The following PHEX variants were observed in gnomAD, a reference collection of about 807,000 sequenced individuals.
PHEX encodes phosphate-regulating neutral endopeptidase PHEX.
In PHEX, 16 loss-of-function variants were observed where a neutral mutation model predicts 68.0. The ratio of observed to expected loss-of-function variants is 0.24; its 90% CI spans 0.16 to 0.36. The LOEUF (loss-of-function observed/expected upper bound fraction) is 0.36. Ranked by LOEUF, PHEX falls within the 10% of genes least tolerant of loss-of-function variation. The pLI, the probability that PHEX is intolerant of heterozygous loss-of-function variation, is 1.00. For missense variants in PHEX, 480 were observed against 575.5 expected (o/e 0.83, Z 1.70); for synonymous variants, 208 against 205.1 (o/e 1.01, Z -0.12).
intron 12 of PHEX, among the ~76,000 whole-genome samples, chrX:22,138,353 G>A (rs1367881690): frequency 8.9e-6 from 1 of 112,749 alleles, no homozygotes; most frequent in Non-Finnish European, 1.9e-5. Flanking sequence ...ACTCAGAGAT[G>A]AGCAGCCACA....
intron 18 of PHEX, among the ~76,000 whole-genome samples, chrX:22,226,001 T>G (rs1245981951): frequency 8.9e-6 from 1 of 112,062 alleles, no homozygotes; most frequent in Non-Finnish European, 1.9e-5. Flanking sequence ...AAAATGATGA[T>G]AGTTGGTCTT....
At chrX:22,204,270 A>G (rs1934642761) in intron 15 of PHEX, among the ~76,000 whole-genome samples, 1 of 111,343 alleles carries the variant, frequency 9.0e-6, no homozygotes, top group Admixed American at 9.5e-5. Flanking sequence ...CCAGTTTCCT[A>G]AACCATTCCT....
In PHEX at chrX:22,090,807, A is replaced by T. The variant is rs149411968; in HGVS notation, c.732+310A>T. ...TCAGAAGTGCAGAGAGCTCACTATC[A>T]ATTGCAGAAATAAAGCGTCAGAAGA... On this transcript the variant is annotated intron_variant, in intron 6 of 21. Coordinates refer to ENST00000379374, the MANE Select transcript of PHEX (RefSeq NM_000444.6). 2.2e-3 allele frequency among the ~76,000 whole-genome samples: 244 copies of T among 111,884 alleles called. 1 individual carries two copies. Among genetic ancestry groups the T allele is most frequent in the African/African-American group, 7.4e-3 (229 of 30,777 alleles).
At chrX:22,161,999 C>T (rs765832449) in intron 12 of PHEX, among the ~76,000 whole-genome samples, 2 of 111,201 alleles carry the variant, frequency 1.8e-5, no homozygotes, top group African/African-American at 3.3e-5. Flanking sequence ...ACACATAGGA[C>T]CTGCTAGGTG....
At chrX:22,043,468 T>C (rs768015385) in intron 2 of PHEX, among the ~76,000 whole-genome samples, 8 of 111,320 alleles carry the variant, frequency 7.2e-5, no homozygotes, top group Non-Finnish European at 1.3e-4. Flanking sequence ...TTATCCCCAT[T>C]TTCAGGTGAG....
chrX:22,222,159 G>A (rs1458586949), intron 18 of PHEX, among the ~76,000 whole-genome samples: 2 of 111,841 alleles, frequency 1.8e-5, no homozygotes, highest in African/African-American at 6.5e-5. Flanking sequence ...ACCAGAGTCT[G>A]TATCCTTGAA....
At chrX:22,094,356 C>T (rs771499864) in intron 7 of PHEX, among the ~76,000 whole-genome samples, 2 of 112,309 alleles carry the variant, frequency 1.8e-5, no homozygotes, top group Non-Finnish European at 3.8e-5. Flanking sequence ...AGTGTCCATA[C>T]GTTGCTCAGC....
chrX:22,040,975 G>T (rs751006718), intron 2 of PHEX, among the ~76,000 whole-genome samples: 1 of 108,980 alleles, frequency 9.2e-6, no homozygotes, highest in Non-Finnish European at 1.9e-5. Context: ...GGTGACAGAC[G>T]ATGCTGTCTT....
intron 12 of PHEX, among the ~76,000 whole-genome samples, chrX:22,159,339 A>G (rs771331981): frequency 1.8e-5 from 2 of 113,156 alleles, no homozygotes; most frequent in Non-Finnish European, 3.7e-5. Context: ...TGGATTTCAC[A>G]TTTTTTAAAT....
chrX:22,051,742 C>T (rs1569371036), intron 3 of PHEX, among the ~76,000 whole-genome samples: 1 of 110,635 alleles, frequency 9.0e-6, no homozygotes, highest in Admixed American at 9.8e-5. Context: ...AGTGTATCAT[C>T]CTCTACATAT....
At chrX:22,205,735 A>G (rs1267290326) in intron 15 of PHEX, among the ~76,000 whole-genome samples, 2 of 110,810 alleles carry the variant, frequency 1.8e-5, no homozygotes, top group Admixed American at 9.7e-5. Flanking sequence ...CAATTTTGGA[A>G]GGTAATGTTT....
intron 12 of PHEX, among the ~76,000 whole-genome samples, chrX:22,140,782 G>T (rs1932424441): frequency 1.8e-5 from 2 of 111,833 alleles, no homozygotes; most frequent in South Asian, 7.5e-4. Flanking sequence ...GTGCCTGGCT[G>T]TTTTTTCTAT....
chrX:22,233,339 A>G (rs1031832007), intron 20 of PHEX, among the ~76,000 whole-genome samples: 1 of 111,011 alleles, frequency 9.0e-6, no homozygotes, highest in African/African-American at 3.3e-5. Context: ...GTATTTCCTG[A>G]ATTTGACTGT....
intron 3 of PHEX, among the ~76,000 whole-genome samples, chrX:22,051,463 G>A (rs1203740324): frequency 9.0e-6 from 1 of 111,647 alleles, no homozygotes; most frequent in Non-Finnish European, 1.9e-5. Context: ...CCCAAGAGGC[G>A]GAGGTTGCAT....
chrX:22,181,812 C>T (rs747064402), intron 14 of PHEX, among the ~76,000 whole-genome samples: 30 of 111,149 alleles, frequency 2.7e-4, no homozygotes, highest in Non-Finnish European at 4.9e-4. Flanking sequence ...AAGTTTATTC[C>T]TAGGTATTTT....
chrX:22,170,781 G>A (rs763698593), intron 13 of PHEX, among the ~76,000 whole-genome samples: 1 of 112,375 alleles, frequency 8.9e-6, no homozygotes, highest in African/African-American at 3.2e-5. Context: ...TTGGCATTCT[G>A]TTGCTAAGTT....
chrX:22,215,846 G>C (rs1290641536), intron 16 of PHEX, among the ~76,000 whole-genome samples: 1 of 111,080 alleles, frequency 9.0e-6, no homozygotes, highest in Non-Finnish European at 1.9e-5. Context: ...AATAAGAGTT[G>C]AAAGAACTTA....
chrX:22,147,683 C>G (rs1932754208), intron 12 of PHEX, among the ~76,000 whole-genome samples: 1 of 110,768 alleles, frequency 9.0e-6, no homozygotes, highest in African/African-American at 3.3e-5. Context: ...GTGAAATATA[C>G]TGGGAAAAGA....
intron 14 of PHEX, among the ~76,000 whole-genome samples, chrX:22,185,027 A>AT (rs768765700): frequency 4.2e-4 from 47 of 112,014 alleles, no homozygotes; most frequent in African/African-American, 1.4e-3. Context: ...ATGTATATCT[A>AT]TTTTATATGG....
Sources: allele counts gnomAD v4.1 joint callset (sites outside exome capture counted in the v4.1 genomes callset), GRCh38; gene constraint gnomAD v4.1.1; transcripts MANE v1.5; gene names NCBI Gene and HGNC (gene_info 2026-07-23, HGNC 2026-07-21).